The following PKHD1 variants were observed in gnomAD, a reference collection of about 807,000 sequenced individuals.
PKHD1 encodes fibrocystin.
In PKHD1, 291 loss-of-function variants were observed where a neutral mutation model predicts 412.0. The ratio of observed to expected loss-of-function variants is 0.71; its 90% CI spans 0.64 to 0.78. The LOEUF (loss-of-function observed/expected upper bound fraction) is 0.78, where lower values mean the gene tolerates loss of function less well. PKHD1 is among the 30% of genes least tolerant of loss of function. The pLI is 0.00. For synonymous variants in PKHD1, 1,777 were observed against 1,821.5 expected (o/e 0.98, Z 0.62); for missense variants, 4,825 against 4,950.7 (o/e 0.97, Z 0.76).
rs1370869109 is a variant in PKHD1 at position 52,024,999 on chromosome 6, G to A, written c.4811C>T (p.Thr1604Met). The change falls in exon 32 of 67, where the codon ACG (threonine) becomes ATG (methionine). Residue 1604 changes from threonine (T) to methionine (M), a missense_variant. Transcript: ENST00000371117. ...EGTGLRGQNT[T>M]SVYIDQQTCL... Reference sequence around the variant, plus strand: ...GGTCTGCTGGTCAATATAGACTGACGTGGTGTTCTGTCCTCTCAGGCCTGT... The same window carrying A: ...GGTCTGCTGGTCAATATAGACTGACATGGTGTTCTGTCCTCTCAGGCCTGT... 6 of 1,614,068 alleles carry A rather than the reference G, an allele frequency of 3.7e-6. No homozygotes were observed. In the East Asian group the frequency reaches 6.7e-5, roughly 18 times the overall value.
chr6:52,000,043 C>A (rs1035879087), intron 35 of PKHD1, among the ~76,000 whole-genome samples: 1 of 152,206 alleles, frequency 6.6e-6, no homozygotes, highest in Admixed American at 6.5e-5. Context: ...TACTACTATG[C>A]ATTCAAGAAA....
Position 51,777,781 on chromosome 6 carries a change from G to T in PKHD1, c.8441-1860C>A, listed in dbSNP as rs375117987. Among the ~76,000 whole-genome samples, 88 of 150,514 alleles carry T rather than the reference G, an allele frequency of 5.8e-4. 2 individuals carry two copies. In the South Asian group the frequency reaches 0.018, roughly 30 times the overall value. On this transcript the variant is annotated intron_variant, in intron 53 of 66. Transcript: ENST00000371117. ...CAGTTTTTGCCCTAGAGAAATGTAT[G>T]CAGAGTCCCACAAAAAGAGTTCAGC...
chr6:51,789,786 A>G (rs1425228996), intron 53 of PKHD1, among the ~76,000 whole-genome samples: 1 of 152,186 alleles, frequency 6.6e-6, no homozygotes, highest in African/African-American at 2.4e-5. Context: ...TATAAACTGT[A>G]TGACCTAAAA....
At chr6:51,685,350 C>T (rs537517118) in intron 60 of PKHD1, among the ~76,000 whole-genome samples, 1 of 152,182 alleles carries the variant, frequency 6.6e-6, no homozygotes, top group South Asian at 2.1e-4. Flanking sequence ...TCCTCTTCAG[C>T]ATTTGACTCC....
chr6:51,719,008 C>T (rs1044505181), intron 60 of PKHD1, among the ~76,000 whole-genome samples: 1 of 152,040 alleles, frequency 6.6e-6, no homozygotes, highest in African/African-American at 2.4e-5. Context: ...TCCACACAGG[C>T]TTGGGAACAA....
chr6:51,702,788 T>C (rs965876367), intron 60 of PKHD1, among the ~76,000 whole-genome samples: 1 of 151,370 alleles, frequency 6.6e-6, no homozygotes, highest in African/African-American at 2.4e-5. Context: ...AATAAGAAAT[T>C]AAATAATAAA....
Position 52,064,613 on chromosome 6 carries a change from C to T in PKHD1, c.976+342G>A, listed in dbSNP as rs865898823. Among the ~76,000 whole-genome samples, 9 of 152,092 alleles carry T rather than the reference C, an allele frequency of 5.9e-5. No homozygotes were observed. In the South Asian group the frequency reaches 6.2e-4, roughly 11 times the overall value. ...CGCTCCTGTCTTCTTAGCCAGTGGA[C>T]GTGCAACTGACCCATTGAATGAAGG... On this transcript the variant is annotated intron_variant, in intron 13 of 66. Transcript: ENST00000371117.
In PKHD1 at chr6:52,060,001, T is replaced by C; in HGVS notation, c.1160A>G (p.Asn387Ser). 1.2e-6 allele frequency: 2 copies of C among 1,611,778 alleles called. No individual in the cohort carries two copies. The highest frequency in any genetic ancestry group is 1.7e-6 in the Non-Finnish European group (2 of 1,177,876). Reference sequence around the variant, plus strand: ...ATCTGCCTGAATCCAGAAAGTGTAATTATTTGTCTCTGGAGCCACAAAGAA... The same window carrying C: ...ATCTGCCTGAATCCAGAAAGTGTAACTATTTGTCTCTGGAGCCACAAAGAA... Reference protein sequence around the residue: ...SGFFVAPETNNYTFWIQADSQ... With the variant: ...SGFFVAPETNSYTFWIQADSQ... The change falls in exon 15 of 67, where the codon AAT becomes AGT. Residue 387 changes from asparagine (N) to serine (S), a missense_variant. Physicochemically the swap from Asn to Ser is conservative, Grantham distance 46. Coordinates refer to ENST00000371117, the MANE Select transcript of PKHD1 (RefSeq NM_138694.4).
chr6:51,680,917 A>T (rs1051564482), intron 60 of PKHD1, among the ~76,000 whole-genome samples: 1 of 152,090 alleles, frequency 6.6e-6, no homozygotes, highest in African/African-American at 2.4e-5. Context: ...TTTATAAGAC[A>T]ATGAAGAACC....
At position 51,735,344 on chromosome 6, in the gene PKHD1, G is replaced by A. The variant is rs898741825; in HGVS notation, c.10156+9041C>T. On this transcript the variant is annotated intron_variant, in intron 60 of 66. Coordinates refer to ENST00000371117, the MANE Select transcript of PKHD1 (RefSeq NM_138694.4). ...TTTCCCAAATGTGAAGGGGTATAAC[G>A]ATCCCTTCATGTTAAGGTTGTTGTA... is the stretch of plus-strand genomic sequence containing the variant. 3.9e-5 allele frequency among the ~76,000 whole-genome samples: 6 copies of A among 152,136 alleles called. No homozygotes were observed. The East Asian group carries it at 7.7e-4, about 20-fold the overall frequency.
rs561168817 is a variant in PKHD1, at chr6:51,665,448, G to A, written c.10157-5479C>T. 3.1e-4 allele frequency among the ~76,000 whole-genome samples: 47 copies of A among 152,114 alleles called. 1 individual carries two copies. Among genetic ancestry groups the A allele is most frequent in the Admixed American group, 7.9e-4 (12 of 15,254 alleles). ...TTATAAAGAAAGTTAAAACAGACCC[G>A]AAAAACCCCACAAATTAAATAATCC... On this transcript the variant is annotated intron_variant, in intron 60 of 66. Transcript: ENST00000371117.
chr6:51,728,941 GT>G (rs1782911820), intron 60 of PKHD1, among the ~76,000 whole-genome samples: 1 of 152,196 alleles, frequency 6.6e-6, no homozygotes, highest in African/African-American at 2.4e-5. Flanking sequence ...CTGGGGCCAA[GT>G]TTTTTATATG....
At chr6:51,714,187 T>C (rs975520526) in intron 60 of PKHD1, among the ~76,000 whole-genome samples, 9 of 151,988 alleles carry the variant, frequency 5.9e-5, no homozygotes, top group Non-Finnish European at 1.2e-4. Flanking sequence ...CTGGCCAATA[T>C]AGTGAAACCC....
intron 60 of PKHD1, among the ~76,000 whole-genome samples, chr6:51,742,986 T>C (rs1373184359): frequency 2.0e-5 from 3 of 152,070 alleles, no homozygotes; most frequent in Non-Finnish European, 4.4e-5. Flanking sequence ...CCTGATGTAG[T>C]GATACACATA....
At chr6:51,815,383 T>A (rs1337325380) in intron 52 of PKHD1, among the ~76,000 whole-genome samples, 1 of 152,044 alleles carries the variant, frequency 6.6e-6, no homozygotes, top group African/African-American at 2.4e-5. Flanking sequence ...CAAATGAGGA[T>A]TCGGGGACAC....
At chr6:51,697,348 T>G (rs1470899212) in intron 60 of PKHD1, among the ~76,000 whole-genome samples, 3 of 152,232 alleles carry the variant, frequency 2.0e-5, no homozygotes, top group Middle Eastern at 3.2e-3. Context: ...TTACAATAAT[T>G]GCAATCAAAT....
chr6:51,873,531 T>A (rs1278161761), intron 46 of PKHD1, among the ~76,000 whole-genome samples: 2 of 152,340 alleles, frequency 1.3e-5, no homozygotes, highest in Non-Finnish European at 1.5e-5. Context: ...TTGGTTTGCT[T>A]TGTAAAAATC....
chr6:51,987,522 C>T (rs1404007151), intron 35 of PKHD1, among the ~76,000 whole-genome samples: 1 of 152,108 alleles, frequency 6.6e-6, no homozygotes, highest in African/African-American at 2.4e-5. Flanking sequence ...GGAACCAAGG[C>T]TTTGAGAATC....
At chr6:52,060,073 G>T in intron 14 of PKHD1, 31 bp from the exon 15 acceptor site, 1 of 1,235,936 alleles carries the variant, frequency 8.1e-7, no homozygotes, top group Non-Finnish European at 1.2e-6. Flanking sequence ...TCAAGCAAGA[G>T]TAACCAAGGC....
Sources: gnomAD v4.1 joint callset for allele counts (sites outside exome capture counted in the v4.1 genomes callset) on GRCh38, gnomAD v4.1.1 for gene constraint, MANE v1.5 for transcripts, NCBI Gene and HGNC (gene_info 2026-07-23, HGNC 2026-07-21) for gene names.